Variants in MEGF6 observed in about 807,000 individuals in gnomAD.
MEGF6 encodes the protein multiple epidermal growth factor-like domains protein 6.
In MEGF6, 184 loss-of-function variants were observed where a neutral mutation model predicts 207.1. That is an observed-to-expected ratio of 0.89 (90% CI 0.79 to 1.00). The LOEUF (loss-of-function observed/expected upper bound fraction) is 1.00. MEGF6 is among the 50% of genes least tolerant of loss of function. The pLI is 0.00. For missense variants in MEGF6, 2,282 were observed against 2,202.9 expected (o/e 1.04, Z -0.72); for synonymous variants, 1,038 against 910.0 (o/e 1.14, Z -2.53).
At chr1:3,605,163 T>C (rs555616962) in intron 1 of MEGF6, among the ~76,000 whole-genome samples, 4 of 148,420 alleles carry the variant, frequency 2.7e-5, no homozygotes, top group African/African-American at 1.0e-4. Flanking sequence ...CACAGTCACA[T>C]ACACCCTTAC....
At chr1:3,511,881 T>C in intron 8 of MEGF6, 125 bp downstream of exon 8, 1 of 1,501,132 alleles carries the variant, frequency 6.7e-7, no homozygotes, top group South Asian at 1.2e-5. Context: ...CACCAAGGGC[T>C]CACACCCAGG....
At chr1:3,601,751 A>AT (rs1415186874) in intron 2 of MEGF6, among the ~76,000 whole-genome samples, 2 of 152,184 alleles carry the variant, frequency 1.3e-5, no homozygotes, top group African/African-American at 2.4e-5. Context: ...GCAAACACAC[A>AT]TTGACCAGAA....
chr1:3,569,144 A>G (rs574807953), intron 4 of MEGF6, among the ~76,000 whole-genome samples: 3 of 152,316 alleles, frequency 2.0e-5, no homozygotes, highest in Admixed American at 6.5e-5. Flanking sequence ...CACACCCTAG[A>G]GACCCCCGCC....
the MEGF6 span, among the ~76,000 whole-genome samples, chr1:3,621,559 CTTG>C: frequency 1.3e-5 from 2 of 152,170 alleles, no homozygotes; most frequent in Non-Finnish European, 2.9e-5. Flanking sequence ...TAGTATAACT[CTTG>C]TTATTTTATA....
chr1:3,579,881 C>A lies in MEGF6; in HGVS notation c.425G>T (p.Gly142Val). ...GGGACAGTGACACGGCTGGGCTGAG[C>A]CTGGCACACAACGGCCACCGTGAAA... ...LCFHGGRCVP[G>V]SAQPCHCPPG... Residue 142 changes from glycine (G) to valine (V), a missense_variant, in exon 4 of 37, where the codon GGC becomes GTC. Coordinates refer to ENST00000356575, the MANE Select transcript of MEGF6 (RefSeq NM_001409.4). 1.9e-6 allele frequency: 3 copies of A among 1,540,024 alleles called. No individual in the cohort carries two copies. The highest frequency in any genetic ancestry group is 2.6e-6 in the Non-Finnish European group (3 of 1,150,910).
At chr1:3,499,517 G>A (rs1337365728) in intron 23 of MEGF6, 71 bp downstream of exon 23, 14 of 1,530,770 alleles carry the variant, frequency 9.1e-6, no homozygotes, top group Middle Eastern at 2.3e-4. Context: ...CAGGTGGCAG[G>A]AGGGAGTCTC....
intron 35 of MEGF6, among the ~76,000 whole-genome samples, chr1:3,492,072 C>T (rs1040008939): frequency 6.6e-6 from 1 of 152,016 alleles, no homozygotes; most frequent in African/African-American, 2.4e-5. Context: ...CTGTGCAGGA[C>T]TGCGTGCGTG....
chr1:3,602,450 G>A lies in MEGF6; in HGVS notation c.266+16C>T, dbSNP rs369490424. ...GTGAATGGAGCCCCTCCCCCAACACGGGCCCCTGCACTTACCTCCGCTCAT... is the reference window on the plus strand; with the variant it reads ...GTGAATGGAGCCCCTCCCCCAACACAGGCCCCTGCACTTACCTCCGCTCAT... On this transcript the variant is annotated intron_variant, in intron 2 of 36. Transcript: ENST00000356575. The A allele has an allele frequency of 4.3e-5, 69 of 1,613,048 alleles. No individual in the cohort carries two copies. In the Middle Eastern group the frequency reaches 6.6e-4, roughly 15 times the overall value.
intron 5 of MEGF6, among the ~76,000 whole-genome samples, chr1:3,520,677 A>G (rs1641713462): frequency 6.6e-6 from 1 of 151,666 alleles, no homozygotes; most frequent in South Asian, 2.1e-4. Context: ...GGGGACCCAC[A>G]CTCTCACAGT....
chr1:3,501,657 G>A (rs1327726806), intron 18 of MEGF6, 139 bp downstream of exon 18: 7 of 1,256,276 alleles, frequency 5.6e-6, no homozygotes, highest in African/African-American at 1.5e-5. Context: ...CCTACCCCAG[G>A]GGAGTGCACT....
chr1:3,608,405 G>A (rs182083586), intron 1 of MEGF6, among the ~76,000 whole-genome samples: 43 of 152,252 alleles, frequency 2.8e-4, no homozygotes, highest in African/African-American at 9.1e-4. Flanking sequence ...CCCTGGGGTC[G>A]GGGAGCAGGC....
At chr1:3,538,650 T>G (rs1196061763) in intron 4 of MEGF6, among the ~76,000 whole-genome samples, 5 of 150,502 alleles carry the variant, frequency 3.3e-5, no homozygotes, top group Non-Finnish European at 5.9e-5. Flanking sequence ...GCCTGAGGCC[T>G]GGTCTGTCCC....
At position 3,495,911 on chromosome 1, in the gene MEGF6, C is replaced by G. The variant is rs754564294; in HGVS notation, c.3850G>C (p.Ala1284Pro). The G allele has an allele frequency of 6.3e-7, 1 of 1,598,018 alleles. No individual in the cohort carries two copies. The highest frequency in any genetic ancestry group is 8.5e-7 in the Non-Finnish European group (1 of 1,179,078). ...TCACCTCGCTCACAGCGGACGCCGGCTCTCCCCGGGGGGCAGAGGCAGGTG... is the reference window on the plus strand; with the variant it reads ...TCACCTCGCTCACAGCGGACGCCGGGTCTCCCCGGGGGGCAGAGGCAGGTG... ...TGTCLCPPGR[A>P]GVRCERGCPQ... Residue 1284 changes from alanine to proline, a missense_variant, in exon 30 of 37, where the codon GCC (alanine) becomes CCC (proline). Transcript: ENST00000356575.
chr1:3,586,184 G>A (rs1643892128), intron 3 of MEGF6, among the ~76,000 whole-genome samples: 2 of 150,240 alleles, frequency 1.3e-5, no homozygotes, highest in Non-Finnish European at 3.0e-5. Context: ...GTGGGTGTGA[G>A]TGTGGACACA....
intron 3 of MEGF6, among the ~76,000 whole-genome samples, chr1:3,587,889 G>A (rs1347535201): frequency 2.9e-5 from 4 of 137,434 alleles, no homozygotes; most frequent in African/African-American, 5.5e-5. Context: ...GGAGTGGCCA[G>A]GAGGGGGCAG....
At chr1:3,591,162 G>A (rs185985608) in intron 3 of MEGF6, among the ~76,000 whole-genome samples, 143 of 152,282 alleles carry the variant, frequency 9.4e-4, no homozygotes, top group East Asian at 5.8e-4. Context: ...CGCCCTCCTC[G>A]CATGAGCCAG....
In MEGF6 at chr1:3,594,912, G is replaced by C. The variant is rs932620808; in HGVS notation, c.376+426C>G. On this transcript the variant is annotated intron_variant, in intron 3 of 36. Coordinates refer to ENST00000356575, the MANE Select transcript of MEGF6 (RefSeq NM_001409.4). The surrounding 1 kb of genome is among the most constrained non-coding windows in gnomAD (Gnocchi z 4.2). Reference sequence around the variant, plus strand: ...AAGCTGAGGCCCGCCACCCGGCCCGGATTGGCCTTGGGAGAACACGGTATA... The same window carrying C: ...AAGCTGAGGCCCGCCACCCGGCCCGCATTGGCCTTGGGAGAACACGGTATA... Among the ~76,000 whole-genome samples, 2 of 151,608 alleles carry C rather than the reference G, an allele frequency of 1.3e-5. No individual in the cohort carries two copies. The highest frequency in any genetic ancestry group is 2.4e-5 in the African/African-American group (1 of 41,234).
At chr1:3,515,605 G>T in intron 5 of MEGF6, 78 bp from the exon 6 acceptor site, 2 of 1,553,018 alleles carry the variant, frequency 1.3e-6, no homozygotes, top group East Asian at 2.3e-5. Flanking sequence ...GCATGGAGCA[G>T]GGAGTGGCAT....
chr1:3,547,506 T>C (rs1642752322), intron 4 of MEGF6, among the ~76,000 whole-genome samples: 1 of 152,174 alleles, frequency 6.6e-6, no homozygotes, highest in African/African-American at 2.4e-5. Flanking sequence ...CTGCCACAGC[T>C]GTGGGTTTTC....
Sources: allele counts gnomAD v4.1 joint callset (sites outside exome capture counted in the v4.1 genomes callset), GRCh38; gene constraint gnomAD v4.1.1; non-coding constraint Gnocchi (gnomAD v3.1); transcripts MANE v1.5; gene names NCBI Gene and HGNC (gene_info 2026-07-23, HGNC 2026-07-21).